CDH18: variants seen among roughly 807,000 people sequenced by gnomAD.
The protein encoded by CDH18 is cadherin-18.
CDH18 carries 31 observed loss-of-function variants against 67.9 expected under a neutral mutation model. That is an observed-to-expected ratio of 0.46 (90% CI 0.34 to 0.62). The LOEUF is 0.62. Ranked by LOEUF, CDH18 falls within the 20% of genes least tolerant of loss-of-function variation. The pLI is 0.01. For synonymous variants in CDH18, 362 were observed against 347.2 expected (o/e 1.04, Z -0.48); for missense variants, 890 against 975.5 (o/e 0.91, Z 1.17).
chr5:20,053,287 T>G (rs184792220), intron 2 of CDH18, among the ~76,000 whole-genome samples: 44 of 151,250 alleles, frequency 2.9e-4, no homozygotes, highest in African/African-American at 9.4e-4. Context: ...TATATATATA[T>G]GATATATGTA....
At chr5:19,607,358 GA>G (rs1748216629) in intron 6 of CDH18, among the ~76,000 whole-genome samples, 2 of 150,822 alleles carry the variant, frequency 1.3e-5, no homozygotes, top group African/African-American at 4.8e-5. Flanking sequence ...GACAAAAATA[GA>G]AAAAACAACA....
chr5:20,058,104 T>C (rs1453264316), intron 2 of CDH18, among the ~76,000 whole-genome samples: 1 of 152,296 alleles, frequency 6.6e-6, no homozygotes, highest in East Asian at 1.9e-4. Context: ...TTTCTCTTGG[T>C]CAATTTTTAT....
chr5:20,224,153 C>G (rs982778482), intron 2 of CDH18, among the ~76,000 whole-genome samples: 4 of 152,118 alleles, frequency 2.6e-5, no homozygotes, highest in African/African-American at 9.7e-5. Flanking sequence ...TTCAGATTCT[C>G]TGAAATCTAG....
At chr5:20,336,756 G>A (rs1485974329) in intron 1 of CDH18, among the ~76,000 whole-genome samples, 11,149 of 67,642 alleles carry the variant, frequency 0.16, 8 homozygotes, top group Non-Finnish European at 0.23. Flanking sequence ...AAAAAAAAAA[G>A]AACTTTTCCT....
intron 1 of CDH18, among the ~76,000 whole-genome samples, chr5:20,310,156 A>G (rs1425078717): frequency 6.6e-6 from 1 of 152,188 alleles, no homozygotes; most frequent in Non-Finnish European, 1.5e-5. Context: ...GTTTAATGGA[A>G]TACATTAAAA....
chr5:19,611,162 G>C (rs1035459815), intron 6 of CDH18, among the ~76,000 whole-genome samples: 1 of 152,082 alleles, frequency 6.6e-6, no homozygotes, highest in Non-Finnish European at 1.5e-5. Context: ...TAAGTGGAAG[G>C]GGATCTATGT....
intron 11 of CDH18, among the ~76,000 whole-genome samples, chr5:19,497,552 C>CAT (rs1185691454): frequency 6.6e-6 from 1 of 152,150 alleles, no homozygotes; most frequent in Non-Finnish European, 1.5e-5. Context: ...AGGGTTAGAA[C>CAT]ATATGTCAGG....
At chr5:20,557,341 T>C (rs1159879007) in intron 1 of CDH18, among the ~76,000 whole-genome samples, 1 of 151,838 alleles carries the variant, frequency 6.6e-6, no homozygotes, top group Non-Finnish European at 1.5e-5. Context: ...TATATCAATA[T>C]GGTTACATGA....
At chr5:20,313,934 G>A (rs1174997124) in intron 1 of CDH18, among the ~76,000 whole-genome samples, 1 of 151,878 alleles carries the variant, frequency 6.6e-6, no homozygotes, top group Non-Finnish European at 1.5e-5. Flanking sequence ...CAAAATACGA[G>A]TTACATATTT....
intron 2 of CDH18, among the ~76,000 whole-genome samples, chr5:20,050,683 G>T (rs531075654): frequency 1.3e-5 from 2 of 151,880 alleles, no homozygotes; most frequent in African/African-American, 4.8e-5. Context: ...TCAATAAGAA[G>T]GTTAATGCTT....
intron 3 of CDH18, among the ~76,000 whole-genome samples, chr5:19,775,403 T>C (rs1373589420): frequency 6.6e-6 from 1 of 152,196 alleles, no homozygotes; most frequent in East Asian, 1.9e-4. Context: ...TAGAGGAATC[T>C]GCTTCTGTGG....
At chr5:20,158,589 C>T (rs538734433) in intron 2 of CDH18, 30 of 155,042 alleles carry the variant, frequency 1.9e-4, no homozygotes, top group African/African-American at 6.0e-4. Flanking sequence ...TTTTTGTATT[C>T]CTTAAAAAAA....
Position 19,879,263 on chromosome 5 carries a change from A to G in CDH18, c.-256-40021T>C, listed in dbSNP as rs189892963. 3.1e-3 allele frequency among the ~76,000 whole-genome samples: 477 copies of G among 152,078 alleles called. 2 individuals are homozygous for G. Among genetic ancestry groups the G allele is most frequent in the South Asian group, 8.9e-3 (43 of 4,830 alleles). On this transcript the variant is annotated intron_variant, in intron 2 of 12. Transcript: ENST00000382275. ...CCTAAGTGATTGAAAGGTTGTGTCA[A>G]TTCTTAAGGTAAATAACAAGACTTG...
intron 8 of CDH18, among the ~76,000 whole-genome samples, chr5:19,547,897 A>G (rs1460516922): frequency 1.3e-5 from 2 of 152,158 alleles, no homozygotes; most frequent in African/African-American, 4.8e-5. Context: ...TTCTGCCCAG[A>G]CATGGAAATA....
At position 20,565,365 on chromosome 5, in the gene CDH18, A is replaced by G. The variant is rs190076824; in HGVS notation, c.-580+10097T>C. Among the ~76,000 whole-genome samples, 4 of 152,256 alleles carry G rather than the reference A, an allele frequency of 2.6e-5. No homozygotes were observed. In the East Asian group the frequency reaches 7.7e-4, roughly 29 times the overall value. On this transcript the variant is annotated intron_variant, in intron 1 of 14. Transcript: ENST00000507958. ...ATTGGCTAACAGCAAAGATCCTTGC[A>G]AGTAAAATCCTGATTACTACTTAGT...
Position 19,478,590 on chromosome 5 carries a change from T to C in CDH18, c.1882+4711A>G, listed in dbSNP as rs1482748294. 4 of 152,306 alleles carry C rather than the reference T, an allele frequency of 2.6e-5. No homozygotes were observed. In the East Asian group the frequency reaches 7.7e-4, roughly 29 times the overall value. 9.4% of individuals were successfully genotyped at this position (152,306 alleles called of 1,614,324 possible). ...ATTCTGATCCTCATTTATCAGGAAA[T>C]TTATATCCAATATTAGGGAGCAATC... is the stretch of plus-strand genomic sequence containing the variant. On this transcript the variant is annotated intron_variant, in intron 12 of 12. Coordinates refer to ENST00000382275, the MANE Select transcript of CDH18 (RefSeq NM_004934.5).
At chr5:19,965,868 C>T (rs940475581) in intron 2 of CDH18, among the ~76,000 whole-genome samples, 4 of 152,090 alleles carry the variant, frequency 2.6e-5, no homozygotes, top group African/African-American at 9.7e-5. Context: ...CCCGCCATGT[C>T]AATAAACAGC....
intron 2 of CDH18, among the ~76,000 whole-genome samples, chr5:19,943,377 A>C (rs1375603676): frequency 6.6e-6 from 1 of 152,120 alleles, no homozygotes; most frequent in Non-Finnish European, 1.5e-5. Flanking sequence ...AGGAAACATG[A>C]AGCTAAATGT....
intron 5 of CDH18, among the ~76,000 whole-genome samples, chr5:19,704,760 C>A (rs1428852918): frequency 5.3e-5 from 8 of 152,046 alleles, no homozygotes; most frequent in Non-Finnish European, 1.5e-5. Flanking sequence ...TCACATAGCT[C>A]CAACATTTTC....
Sources: gnomAD v4.1 joint callset for allele counts (sites outside exome capture counted in the v4.1 genomes callset) on GRCh38, gnomAD v4.1.1 for gene constraint, MANE v1.5 for transcripts, NCBI Gene and HGNC (gene_info 2026-07-23, HGNC 2026-07-21) for gene names.